Variants in ITGB1 observed in about 807,000 individuals in gnomAD.
ITGB1 encodes the protein integrin beta-1.
Under a neutral mutation model 86.5 loss-of-function variants are expected in ITGB1, and 24 were observed. That is an observed-to-expected ratio of 0.28 (90% CI 0.20 to 0.39). The LOEUF (loss-of-function observed/expected upper bound fraction) is 0.39, where lower values mean the gene tolerates loss of function less well. Among genes scored for constraint, ITGB1 ranks in the 10% least tolerant of loss-of-function variants. ITGB1 has a pLI of 1.00. For missense variants in ITGB1, 556 were observed against 946.9 expected, an observed-to-expected ratio of 0.59 and a Z score of 5.42; for synonymous variants, 323 against 316.8, an observed-to-expected ratio of 1.02 and a Z score of -0.21.
rs2094998856 is a variant in ITGB1, at chr10:32,935,565, T to C, written c.1-7A>G. The C allele has an allele frequency of 2.5e-6, 4 of 1,591,432 alleles. No homozygotes were observed. The African/African-American group carries it at 5.4e-5, about 21-fold the overall frequency. On this transcript the variant is annotated splice_region_variant and splice_polypyrimidine_tract_variant and intron_variant, in intron 1 of 15. Coordinates refer to ENST00000302278, the MANE Select transcript of ITGB1 (RefSeq NM_002211.4). Reference sequence around the variant, plus strand: ...AAATTGGTTGTAAATTCATCTGAAATGTAAAATGTGCCTTATATTAGTTAT... The same window carrying C: ...AAATTGGTTGTAAATTCATCTGAAACGTAAAATGTGCCTTATATTAGTTAT...
intron 11 of ITGB1, among the ~76,000 whole-genome samples, chr10:32,915,858 C>T (rs2094929861): frequency 6.6e-6 from 1 of 152,146 alleles, no homozygotes; most frequent in African/African-American, 2.4e-5. Context: ...AGAGACACAA[C>T]AAAGAAAGAG....
intron 1 of ITGB1, among the ~76,000 whole-genome samples, chr10:32,957,326 G>A (rs932025238): frequency 2.0e-5 from 3 of 152,192 alleles, no homozygotes; most frequent in Non-Finnish European, 4.4e-5. Flanking sequence ...TCCAATTTAT[G>A]AAGCCTAAGA....
chr10:32,907,363 T>G (rs3824601), intron 15 of ITGB1, among the ~76,000 whole-genome samples: 20,526 of 152,210 alleles, frequency 0.13, 1,683 homozygotes, highest in East Asian at 0.25. Flanking sequence ...CATTGCTTTC[T>G]TGTATCAAAA....
intron 1 of ITGB1, chr10:32,951,621 C>G (rs1226249823): frequency 1.3e-5 from 2 of 152,150 alleles, no homozygotes. Context: ...AAAACCTGCC[C>G]GAACTTAATT....
chr10:32,929,659 T>C (rs2094976695), intron 4 of ITGB1, among the ~76,000 whole-genome samples, 163 bp downstream of exon 4: 1 of 152,216 alleles, frequency 6.6e-6, no homozygotes, highest in Admixed American at 6.5e-5. Context: ...TTACAATTGT[T>C]ATATCTGCAA....
At chr10:32,944,208 A>G (rs2095025744) in intron 1 of ITGB1, among the ~76,000 whole-genome samples, 1 of 152,260 alleles carries the variant, frequency 6.6e-6, no homozygotes, top group Non-Finnish European at 1.5e-5. Flanking sequence ...TTTCCAGTAC[A>G]GTGACCAATG....
At chr10:32,904,330 G>C (rs2094890532) in intron 15 of ITGB1, among the ~76,000 whole-genome samples, 1 of 152,082 alleles carries the variant, frequency 6.6e-6, no homozygotes, top group Non-Finnish European at 1.5e-5. Flanking sequence ...ATGAAAGGAA[G>C]CCCTCAAGCT....
At chr10:32,920,413 A>C (rs2094945764) in intron 9 of ITGB1, 28 bp from the exon 10 acceptor site, 2 of 1,605,074 alleles carry the variant, frequency 1.2e-6, no homozygotes, top group Non-Finnish European at 1.7e-6. Flanking sequence ...TATACACAGG[A>C]AAAGTCAAAC....
At chr10:32,905,481 G>A (rs371538378) in intron 15 of ITGB1, among the ~76,000 whole-genome samples, 18 of 152,096 alleles carry the variant, frequency 1.2e-4, no homozygotes, top group African/African-American at 4.1e-4. Flanking sequence ...ATTGTAAAAG[G>A]GCTGTAAATC....
chr10:32,906,979 C>G, intron 15 of ITGB1: 2 of 607,798 alleles, frequency 3.3e-6, no homozygotes, highest in South Asian at 1.6e-5. Context: ...AAAAAAAGAA[C>G]AGCAATAGTG....
In ITGB1 at chr10:32,920,346, A is replaced by G. The variant is rs1407534184; in HGVS notation, c.1168T>C (p.Ser390Pro). The change falls in exon 10 of 16, where the codon TCA becomes CCA. Residue 390 changes from serine to proline, a missense_variant. This residue lies in a region of ITGB1 where 330 missense variants were observed against 531.5 expected (regional missense o/e 0.62). Transcript: ENST00000302278. ...TTGTAACTTATTGTTACGCCTTCTG[A>G]CAATTTGCCGTTTTCCAAAATGACT... ...SEVILENGKL[S>P]EGVTISYKSY... The G allele has an allele frequency of 6.2e-7, 1 of 1,613,350 alleles. No individual in the cohort carries two copies. The highest frequency in any genetic ancestry group is 1.7e-5 in the Admixed American group (1 of 59,994).
At chr10:32,920,735 G>A (rs1293897144) in intron 9 of ITGB1, among the ~76,000 whole-genome samples, 4 of 151,818 alleles carry the variant, frequency 2.6e-5, no homozygotes, top group African/African-American at 7.3e-5. Context: ...CACTTTGGGA[G>A]GCCAAGGTAG....
intron 3 of ITGB1, among the ~76,000 whole-genome samples, chr10:32,930,975 GTATT>G (rs2094981635): frequency 6.6e-6 from 1 of 152,050 alleles, no homozygotes; most frequent in African/African-American, 2.4e-5. Flanking sequence ...ATTATATATG[GTATT>G]TATTTATCAA....
rs1236804990 is a variant in ITGB1, at chr10:32,932,539, T to A, written c.129A>T (p.Pro43=). Residue 43 remains proline (P), a synonymous_variant, in exon 3 of 16, where the codon CCA becomes CCT. Coordinates refer to ENST00000302278, the MANE Select transcript of ITGB1 (RefSeq NM_002211.4). Reference sequence around the variant, plus strand: ...CTGAATTTGTGCACCACCCACAATTTGGCCCTGCTTGTATACATTCTCCAC... The same window carrying A: ...CTGAATTTGTGCACCACCCACAATTAGGCCCTGCTTGTATACATTCTCCAC... ...KSCGECIQAG[P]NCGWCTNSTF... 3 of 1,609,522 alleles carry A rather than the reference T, an allele frequency of 1.9e-6. No individual in the cohort carries two copies. Among genetic ancestry groups the A allele is most frequent in the Non-Finnish European group, 2.6e-6 (3 of 1,176,096 alleles).
At chr10:32,950,080 A>G (rs1187069) in intron 1 of ITGB1, among the ~76,000 whole-genome samples, 50,714 of 152,060 alleles carry the variant, frequency 0.33, 10,786 homozygotes, top group Non-Finnish European at 0.48. Flanking sequence ...AGATTCTGAT[A>G]CCTATAGAGG....
intron 9 of ITGB1, among the ~76,000 whole-genome samples, chr10:32,920,947 C>T (rs2094947570): frequency 6.6e-6 from 1 of 151,852 alleles, no homozygotes; most frequent in Non-Finnish European, 1.5e-5. Context: ...CACACCACTG[C>T]ACTCCAGCCT....
rs534220427 is a variant in ITGB1 at position 32,934,924 on chromosome 10, T to A, written c.67+568A>T. ...TTGTAGTAAGTCCTTCCAATCCTGA[T>A]ATCGAACTGCTCTATGCAGTGTAGT... On this transcript the variant is annotated intron_variant, in intron 2 of 15. Coordinates refer to ENST00000302278, the MANE Select transcript of ITGB1 (RefSeq NM_002211.4). Among the ~76,000 whole-genome samples, 64 of 152,294 alleles carry A rather than the reference T, an allele frequency of 4.2e-4. 1 individual carries two copies. Among genetic ancestry groups the A allele is most frequent in the Admixed American group, 1.6e-3 (25 of 15,302 alleles).
intron 1 of ITGB1, among the ~76,000 whole-genome samples, chr10:32,943,699 T>C (rs555000241): frequency 6.6e-6 from 1 of 152,126 alleles, no homozygotes; most frequent in African/African-American, 2.4e-5. Context: ...TACCAGGTCA[T>C]TGTTTTAGCT....
intron 1 of ITGB1, chr10:32,951,562 A>T (rs1344445034): frequency 6.6e-6 from 1 of 152,206 alleles, no homozygotes; most frequent in Non-Finnish European, 1.5e-5. Context: ...AATACACTAT[A>T]AACAAAGCTA....
Sources: gnomAD v4.1 joint callset for allele counts (sites outside exome capture counted in the v4.1 genomes callset) on GRCh38, gnomAD v4.1.1 for gene constraint, gnomAD v4.1.1 regional missense constraint, MANE v1.5 for transcripts, NCBI Gene and HGNC (gene_info 2026-07-23, HGNC 2026-07-21) for gene names.